The following DLG1 variants were observed in gnomAD, a reference collection of about 807,000 sequenced individuals.
DLG1 encodes disks large homolog 1.
Under a neutral mutation model 123.4 loss-of-function variants are expected in DLG1, and 42 were observed. The ratio of observed to expected loss-of-function variants is 0.34; its 90% CI spans 0.27 to 0.44. The LOEUF is 0.44. Ranked by LOEUF, DLG1 falls within the 20% of genes least tolerant of loss-of-function variation. The pLI is 1.00. For synonymous variants in DLG1, 317 were observed against 356.2 expected (o/e 0.89, Z 1.24); for missense variants, 942 against 1,082.6 (o/e 0.87, Z 1.82).
At chr3:197,085,318 T>A (rs1044680922) in intron 16 of DLG1, 6 of 426,446 alleles carry the variant, frequency 1.4e-5, no homozygotes, top group African/African-American at 1.2e-4. Flanking sequence ...CAGAACTCAC[T>A]CATCTTGTGT....
intron 14 of DLG1, among the ~76,000 whole-genome samples, chr3:197,097,864 G>A (rs1761513606): frequency 6.6e-6 from 1 of 151,992 alleles, no homozygotes; most frequent in African/African-American, 2.4e-5. Flanking sequence ...ATAGGCGTGA[G>A]CCACCGCGCC....
intron 17 of DLG1, chr3:197,080,525 G>C (rs181144236): frequency 6.9e-6 from 1 of 144,684 alleles, no homozygotes; most frequent in Non-Finnish European, 1.5e-5. Context: ...ACAGAGGTGC[G>C]ATCTGGGCTC....
chr3:197,237,716 G>GAAT (rs1746733827), intron 4 of DLG1, among the ~76,000 whole-genome samples: 1 of 152,180 alleles, frequency 6.6e-6, no homozygotes, highest in African/African-American at 2.4e-5. Context: ...GGGGTAGAGG[G>GAAT]AATGTTAGAA....
intron 4 of DLG1, among the ~76,000 whole-genome samples, chr3:197,269,357 T>C (rs1324841092): frequency 6.6e-6 from 1 of 152,178 alleles, no homozygotes; most frequent in Non-Finnish European, 1.5e-5. Context: ...CTACTTAACA[T>C]GGTCTGTGGC....
chr3:197,132,982 CTGTGGTATA>C (rs1783420070), intron 10 of DLG1, among the ~76,000 whole-genome samples: 1 of 138,170 alleles, frequency 7.2e-6, no homozygotes, highest in African/African-American at 2.8e-5. Context: ...CATTAAATAG[CTGTGGTATA>C]CTTCTGAAAT....
At chr3:197,222,961 C>T (rs995238921) in intron 4 of DLG1, among the ~76,000 whole-genome samples, 3 of 152,182 alleles carry the variant, frequency 2.0e-5, no homozygotes, top group Non-Finnish European at 2.9e-5. Flanking sequence ...AGTTTCTGAT[C>T]GTCACATACC....
intron 22 of DLG1, among the ~76,000 whole-genome samples, chr3:197,063,157 C>G (rs1474115939): frequency 6.7e-6 from 1 of 148,922 alleles, no homozygotes; most frequent in Non-Finnish European, 1.5e-5. Context: ...ATTTGAAATA[C>G]AGGCAGGTTT....
chr3:197,199,853 T>C (rs867915067), intron 4 of DLG1, among the ~76,000 whole-genome samples: 6 of 152,158 alleles, frequency 3.9e-5, no homozygotes, highest in Admixed American at 6.5e-5. Context: ...CTAACACTTA[T>C]ACTAAAAAGA....
intron 13 of DLG1, among the ~76,000 whole-genome samples, 165 bp downstream of exon 13, chr3:197,115,762 T>A (rs545004393): frequency 4.6e-5 from 7 of 152,186 alleles, no homozygotes; most frequent in Non-Finnish European, 7.4e-5. Flanking sequence ...ACACCTATTA[T>A]ATAATATGTT....
At chr3:197,263,473 C>A (rs1760346547) in intron 4 of DLG1, among the ~76,000 whole-genome samples, 1 of 152,128 alleles carries the variant, frequency 6.6e-6, no homozygotes, top group Admixed American at 6.6e-5. Flanking sequence ...ATTCTAAGGT[C>A]CAACAGGACA....
At chr3:197,293,745 C>G (rs1776045685) in intron 3 of DLG1, 1 of 153,918 alleles carries the variant, frequency 6.5e-6, no homozygotes, top group African/African-American at 2.4e-5. Flanking sequence ...AAACAGATAA[C>G]TAGATAACTC....
At chr3:197,084,868 T>A (rs1389655145) in intron 16 of DLG1, among the ~76,000 whole-genome samples, 1 of 151,178 alleles carries the variant, frequency 6.6e-6, no homozygotes, top group Non-Finnish European at 1.5e-5. Context: ...GTCACTGCAA[T>A]TTCGGCCTCC....
rs544646296 is a variant in DLG1 at position 197,257,973 on chromosome 3, C to A, written c.318+24706G>T. On this transcript the variant is annotated intron_variant, in intron 4 of 24. Transcript: ENST00000667157. ...AGCTAGCTAAGAACACAAGAACTTA[C>A]AAACACAAAAATAAATCTCTCTTAG... is the stretch of plus-strand genomic sequence containing the variant. Among the ~76,000 whole-genome samples the A allele has an allele frequency of 5.9e-5, 9 of 152,228 alleles. No individual in the cohort carries two copies. In the East Asian group the frequency reaches 1.7e-3, roughly 29 times the overall value.
At chr3:197,154,372 C>CT (rs1056322856) in intron 5 of DLG1, among the ~76,000 whole-genome samples, 1 of 151,618 alleles carries the variant, frequency 6.6e-6, no homozygotes, top group Non-Finnish European at 1.5e-5. Context: ...TAGACAAAGA[C>CT]TTTATTAAAG....
intron 18 of DLG1, among the ~76,000 whole-genome samples, chr3:197,075,140 C>T (rs1228219945): frequency 1.3e-5 from 2 of 151,772 alleles, no homozygotes; most frequent in African/African-American, 4.8e-5. Context: ...TTCATGCCAA[C>T]ATTTATTGAA....
chr3:197,173,737 C>G (rs1805512567), intron 5 of DLG1, among the ~76,000 whole-genome samples: 1 of 152,146 alleles, frequency 6.6e-6, no homozygotes, highest in Non-Finnish European at 1.5e-5. Flanking sequence ...TGCAACTATC[C>G]AACACTGCTA....
At chr3:197,240,178 T>C (rs1748133503) in intron 4 of DLG1, among the ~76,000 whole-genome samples, 1 of 152,174 alleles carries the variant, frequency 6.6e-6, no homozygotes, top group African/African-American at 2.4e-5. Context: ...AGCAAGACAC[T>C]GAATCAGAGT....
intron 4 of DLG1, chr3:197,225,842 A>G (rs1233138176): frequency 6.6e-6 from 1 of 152,650 alleles, no homozygotes; most frequent in Non-Finnish European, 1.5e-5. Context: ...TTAAGGAAGT[A>G]TTATTCAAAC....
chr3:197,233,261 G>A (rs527800672), intron 4 of DLG1, among the ~76,000 whole-genome samples: 27 of 152,176 alleles, frequency 1.8e-4, no homozygotes, highest in Non-Finnish European at 3.2e-4. Context: ...AGTTATAAAC[G>A]CATTATTAAT....
Sources: allele counts gnomAD v4.1 joint callset (sites outside exome capture counted in the v4.1 genomes callset), GRCh38; gene constraint gnomAD v4.1.1; transcripts MANE v1.5; gene names NCBI Gene and HGNC (gene_info 2026-07-23, HGNC 2026-07-21).